The following HOMER1 variants were observed in gnomAD, a reference collection of about 807,000 sequenced individuals.
The protein encoded by HOMER1 is homer scaffold protein 1.
In HOMER1, 3 loss-of-function variants were observed where a neutral mutation model predicts 48.9. The ratio of observed to expected loss-of-function variants is 0.06; its 90% CI spans 0.03 to 0.16. HOMER1 has a LOEUF of 0.16. Among genes scored for constraint, HOMER1 ranks in the 10% least tolerant of loss-of-function variants. The pLI, the probability that HOMER1 is intolerant of heterozygous loss-of-function variation, is 1.00. For synonymous variants in HOMER1, 134 were observed against 146.4 expected (o/e 0.92, Z 0.61); for missense variants, 247 against 411.4 (o/e 0.60, Z 3.46).
At chr5:79,455,349 C>G (rs927478346) in intron 2 of HOMER1, among the ~76,000 whole-genome samples, 2 of 150,582 alleles carry the variant, frequency 1.3e-5, no homozygotes, top group South Asian at 4.3e-4. Context: ...AAGGGTGGAA[C>G]CCGGTGGAGG....
intron 5 of HOMER1, among the ~76,000 whole-genome samples, chr5:79,434,093 T>C (rs967615131): frequency 5.9e-5 from 9 of 152,168 alleles, no homozygotes; most frequent in Non-Finnish European, 1.0e-4. Flanking sequence ...CAAACTGTTA[T>C]TAAAATTTAT....
chr5:79,397,040 G>A, intron 7 of HOMER1, 137 bp from the exon 8 acceptor site: 1 of 564,958 alleles, frequency 1.8e-6, no homozygotes. Context: ...ACTTTTAGAG[G>A]GATGAATTCA....
intron 1 of HOMER1, among the ~76,000 whole-genome samples, chr5:79,502,285 TG>T (rs1309496724): frequency 7.2e-5 from 11 of 152,118 alleles, no homozygotes; most frequent in African/African-American, 2.4e-4. Context: ...CCCAAAGTGC[TG>T]GGATTACAGA....
intron 5 of HOMER1, among the ~76,000 whole-genome samples, chr5:79,434,362 A>C (rs1477873755): frequency 6.6e-6 from 1 of 151,966 alleles, no homozygotes; most frequent in Non-Finnish European, 1.5e-5. Context: ...AAAAAAGTAA[A>C]TTCTAGAATT....
chr5:79,445,618 A>G (rs1357548636), intron 4 of HOMER1, among the ~76,000 whole-genome samples: 1 of 152,230 alleles, frequency 6.6e-6, no homozygotes, highest in East Asian at 1.9e-4. Context: ...ATTTAAGTAT[A>G]CTTTAAAAGT....
intron 6 of HOMER1, 111 bp downstream of exon 6, chr5:79,401,788 C>G (rs1749542525): frequency 9.9e-7 from 1 of 1,010,966 alleles, no homozygotes; most frequent in Non-Finnish European, 1.5e-6. Flanking sequence ...TATCTATGTT[C>G]TGACATCCTA....
At chr5:79,410,815 C>G (rs1413440903) in intron 5 of HOMER1, among the ~76,000 whole-genome samples, 5 of 152,176 alleles carry the variant, frequency 3.3e-5, no homozygotes, top group Non-Finnish European at 5.9e-5. Context: ...CCAAAATTTT[C>G]AGTTAGCATC....
intron 1 of HOMER1, chr5:79,510,774 G>C: frequency 1.3e-6 from 1 of 758,090 alleles, no homozygotes; most frequent in Non-Finnish European, 2.4e-6. Context: ...TTGCCAAGGG[G>C]CTCAGGGTGT....
At chr5:79,512,625 G>A in intron 1 of HOMER1, 145 bp downstream of exon 1, 1 of 725,258 alleles carries the variant, frequency 1.4e-6, no homozygotes, top group Non-Finnish European at 2.3e-6. Flanking sequence ...TAACCTAAAA[G>A]GTTAGCATGC....
intron 5 of HOMER1, among the ~76,000 whole-genome samples, chr5:79,403,059 A>G (rs943020157): frequency 1.3e-5 from 2 of 152,212 alleles, no homozygotes; most frequent in Non-Finnish European, 2.9e-5. Flanking sequence ...TACCTCAACT[A>G]AAACAATTTT....
chr5:79,433,930 G>A (rs907213103), intron 5 of HOMER1, among the ~76,000 whole-genome samples: 13 of 152,074 alleles, frequency 8.5e-5, no homozygotes, highest in African/African-American at 3.1e-4. Flanking sequence ...ACATAATGTG[G>A]CAGAAAACAA....
intron 3 of HOMER1, among the ~76,000 whole-genome samples, chr5:79,448,878 A>C (rs1750956164): frequency 6.6e-6 from 1 of 152,094 alleles, no homozygotes; most frequent in Non-Finnish European, 1.5e-5. Flanking sequence ...CAAGAGCTTA[A>C]GAGCTGTTTC....
chr5:79,484,368 G>A (rs895729335), intron 1 of HOMER1, among the ~76,000 whole-genome samples: 1 of 151,980 alleles, frequency 6.6e-6, no homozygotes, highest in Non-Finnish European at 1.5e-5. Flanking sequence ...TACATAAGAT[G>A]GTAGACTTAA....
chr5:79,493,116 G>A (rs528045194), intron 1 of HOMER1, among the ~76,000 whole-genome samples: 3 of 151,820 alleles, frequency 2.0e-5, no homozygotes, highest in Non-Finnish European at 2.9e-5. Context: ...ACGGAGTTTC[G>A]CCATGTTGGC....
intron 1 of HOMER1, among the ~76,000 whole-genome samples, chr5:79,502,891 C>T (rs530646831): frequency 4.5e-4 from 69 of 152,252 alleles, no homozygotes; most frequent in African/African-American, 8.9e-4. Flanking sequence ...CCAGGGTTCA[C>T]GCCATTCTCC....
intron 8 of HOMER1, among the ~76,000 whole-genome samples, chr5:79,380,176 C>G (rs1381502337): frequency 6.6e-6 from 1 of 152,130 alleles, no homozygotes; most frequent in Non-Finnish European, 1.5e-5. Context: ...ATATTTCCAC[C>G]ATGAATCCTG....
intron 8 of HOMER1, among the ~76,000 whole-genome samples, chr5:79,379,242 T>TTA (rs1198245362): frequency 7.6e-5 from 5 of 65,522 alleles, no homozygotes; most frequent in Non-Finnish European, 1.4e-4. Context: ...ATATTATATA[T>TTA]TATATATATC....
intron 5 of HOMER1, among the ~76,000 whole-genome samples, chr5:79,427,867 T>C (rs1467079349): frequency 1.3e-5 from 2 of 152,022 alleles, no homozygotes; most frequent in East Asian, 1.9e-4. Flanking sequence ...TATATTATTT[T>C]CTTTCAATTA....
chr5:79,468,072 A>T (rs1751526224), intron 1 of HOMER1, among the ~76,000 whole-genome samples: 1 of 152,214 alleles, frequency 6.6e-6, no homozygotes, highest in African/African-American at 2.4e-5. Flanking sequence ...CACCATGCCC[A>T]GCCTAGGTCA....
Sources: gnomAD v4.1 joint callset for allele counts (sites outside exome capture counted in the v4.1 genomes callset) on GRCh38, gnomAD v4.1.1 for gene constraint, MANE v1.5 for transcripts, NCBI Gene and HGNC (gene_info 2026-07-23, HGNC 2026-07-21) for gene names.